NOX4: variants seen among roughly 807,000 people sequenced by gnomAD.
NOX4 encodes NADPH oxidase 4.
In NOX4, 69 loss-of-function variants were observed where a neutral mutation model predicts 87.6. The ratio of observed to expected loss-of-function variants is 0.79; its 90% CI spans 0.65 to 0.96. The LOEUF is 0.96. NOX4 is among the 40% of genes least tolerant of loss of function. The pLI, the probability that NOX4 is intolerant of heterozygous loss-of-function variation, is 0.00. For missense variants in NOX4, 680 were observed against 681.5 expected, an observed-to-expected ratio of 1.00 and a Z score of 0.02; for synonymous variants, 275 against 238.2, an observed-to-expected ratio of 1.15 and a Z score of -1.42.
At chr11:89,435,611 C>T (rs2135327040) in intron 6 of NOX4, among the ~76,000 whole-genome samples, 1 of 152,070 alleles carries the variant, frequency 6.6e-6, no homozygotes, top group South Asian at 2.1e-4. Flanking sequence ...CTTATTAGAT[C>T]AGAGTATTGC....
At chr11:89,358,474 T>A (rs1254914176) in intron 12 of NOX4, among the ~76,000 whole-genome samples, 2 of 150,004 alleles carry the variant, frequency 1.3e-5, no homozygotes, top group African/African-American at 4.9e-5. Flanking sequence ...TTTAAAAGCA[T>A]GTCTTTTAAA....
the NOX4 span, among the ~76,000 whole-genome samples, chr11:89,585,606 A>T: frequency 1.3e-5 from 2 of 152,160 alleles, no homozygotes; most frequent in African/African-American, 2.4e-5. Flanking sequence ...GCTGTGTTTC[A>T]ATGAAACTTC....
At chr11:89,425,717 A>T (rs1943361435) in intron 7 of NOX4, among the ~76,000 whole-genome samples, 1 of 152,128 alleles carries the variant, frequency 6.6e-6, no homozygotes, top group Admixed American at 6.5e-5. Flanking sequence ...AAAATACACT[A>T]CATATGTACA....
At position 89,402,509 on chromosome 11, in the gene NOX4, G is replaced by C. The variant is rs773204179; in HGVS notation, c.663C>G (p.Thr221=). ...GLLKYQTNLD[T]HPPGCISLNR... is the part of the protein sequence containing the mutation. Reference sequence around the variant, plus strand: ...TAAGACTGATGCAGCCGGGAGGGTGGGTATCTAAATTAGTTTGATACTTCA... The same window carrying C: ...TAAGACTGATGCAGCCGGGAGGGTGCGTATCTAAATTAGTTTGATACTTCA... Residue 221 remains threonine (T), a synonymous_variant, in exon 9 of 18, where the codon ACC becomes ACG. Coordinates refer to ENST00000263317, the MANE Select transcript of NOX4 (RefSeq NM_016931.5). The C allele has an allele frequency of 2.5e-6, 4 of 1,610,346 alleles. No individual in the cohort carries two copies. In the African/African-American group the frequency reaches 5.4e-5, roughly 22 times the overall value.
the NOX4 span, among the ~76,000 whole-genome samples, chr11:89,528,530 T>C: frequency 1.3e-5 from 2 of 152,180 alleles, no homozygotes; most frequent in Admixed American, 6.5e-5. Flanking sequence ...AATTGAATCA[T>C]GGGGATGATT....
chr11:89,512,450 A>C, the NOX4 span, among the ~76,000 whole-genome samples: 3 of 152,030 alleles, frequency 2.0e-5, no homozygotes, highest in Non-Finnish European at 2.9e-5. Flanking sequence ...CTAGACCCTG[A>C]TAATTACCAT....
intron 2 of NOX4, among the ~76,000 whole-genome samples, chr11:89,476,005 C>A (rs1216993350): frequency 2.0e-5 from 3 of 152,062 alleles, no homozygotes; most frequent in African/African-American, 7.2e-5. Context: ...TAAAGAAAAT[C>A]CTAATATCCT....
rs1268741157 is a variant in NOX4 at position 89,355,084 on chromosome 11, A to G, written c.1136-41T>C. ...TAAACATCAAGCTGTGAAAAGATAA[A>G]AGTCATGAAAATAATTTCAAAATGG... On this transcript the variant is annotated intron_variant, in intron 12 of 17. Coordinates refer to ENST00000263317, the MANE Select transcript of NOX4 (RefSeq NM_016931.5). The G allele has an allele frequency of 1.0e-5, 14 of 1,380,630 alleles. No homozygotes were observed. In the South Asian group the frequency reaches 1.7e-4, roughly 17 times the overall value. 85.5% of individuals were successfully genotyped at this position (1,380,630 alleles called of 1,614,324 possible).
At chr11:89,397,630 G>T (rs907625425) in intron 11 of NOX4, among the ~76,000 whole-genome samples, 1 of 151,886 alleles carries the variant, frequency 6.6e-6, no homozygotes, top group African/African-American at 2.4e-5. Context: ...TAATAAAAGG[G>T]ATATGACCAC....
intron 7 of NOX4, among the ~76,000 whole-genome samples, chr11:89,422,772 C>T (rs1943149396): frequency 6.6e-6 from 1 of 151,360 alleles, no homozygotes; most frequent in Non-Finnish European, 1.5e-5. Context: ...ATTACCATCC[C>T]TTGTAACATA....
chr11:89,561,352 C>T, the NOX4 span, among the ~76,000 whole-genome samples: 2 of 151,796 alleles, frequency 1.3e-5, no homozygotes, highest in African/African-American at 4.8e-5. Context: ...AACATAGATT[C>T]CATCCAAATA....
the NOX4 span, among the ~76,000 whole-genome samples, chr11:89,560,595 G>T: frequency 5.9e-5 from 9 of 151,986 alleles, no homozygotes; most frequent in Non-Finnish European, 8.8e-5. Context: ...GACTGAATGG[G>T]GAAAGATCTG....
the NOX4 span, among the ~76,000 whole-genome samples, chr11:89,524,612 G>A: frequency 6.6e-6 from 1 of 151,924 alleles, no homozygotes; most frequent in Non-Finnish European, 1.5e-5. Context: ...TCCAAGAAGA[G>A]TTAATAAATT....
the NOX4 span, among the ~76,000 whole-genome samples, chr11:89,544,012 G>A: frequency 6.6e-6 from 1 of 151,924 alleles, no homozygotes. Context: ...GCTCTTTTTT[G>A]TAACTATATA....
chr11:89,363,480 A>G (rs1297268669), intron 12 of NOX4, among the ~76,000 whole-genome samples: 1 of 152,132 alleles, frequency 6.6e-6, no homozygotes, highest in Non-Finnish European at 1.5e-5. Context: ...TATTAAGCAC[A>G]CACAAAAAAT....
chr11:89,582,053 T>G, the NOX4 span, among the ~76,000 whole-genome samples: 1 of 152,152 alleles, frequency 6.6e-6, no homozygotes, highest in Non-Finnish European at 1.5e-5. Flanking sequence ...TCCTGTCAGC[T>G]GCTATTCTAG....
the NOX4 span, among the ~76,000 whole-genome samples, chr11:89,562,426 C>T: frequency 2.0e-5 from 3 of 152,042 alleles, no homozygotes; most frequent in East Asian, 1.9e-4. Context: ...TTCTCCTCCC[C>T]GCCCCTTTTA....
chr11:89,542,102 C>T, the NOX4 span, among the ~76,000 whole-genome samples: 1 of 152,150 alleles, frequency 6.6e-6, no homozygotes, highest in African/African-American at 2.4e-5. Flanking sequence ...TGAGCCACCA[C>T]ACTTGGGCCA....
the NOX4 span, among the ~76,000 whole-genome samples, chr11:89,560,155 T>A: frequency 1.3e-5 from 2 of 151,878 alleles, no homozygotes; most frequent in Non-Finnish European, 2.9e-5. Context: ...GATGAACACA[T>A]GAAGATAAAA....
Sources: allele counts gnomAD v4.1 joint callset (sites outside exome capture counted in the v4.1 genomes callset), GRCh38; gene constraint gnomAD v4.1.1; transcripts MANE v1.5; gene names NCBI Gene and HGNC (gene_info 2026-07-23, HGNC 2026-07-21).